DNASE1: variants seen among roughly 807,000 people sequenced by gnomAD.
DNASE1 encodes deoxyribonuclease-1.
Under a neutral mutation model 33.9 loss-of-function variants are expected in DNASE1, and 40 were observed. The ratio of observed to expected loss-of-function variants is 1.18; its 90% confidence interval spans 0.92 to 1.54. The LOEUF (loss-of-function observed/expected upper bound fraction) is 1.54, where lower values mean the gene tolerates loss of function less well. Among genes scored for constraint, DNASE1 ranks in the 40% most tolerant of loss-of-function variants. The probability of loss-of-function intolerance (pLI) is 0.00; values close to 1 mark genes in which losing one functional copy is unlikely to be tolerated. For missense variants in DNASE1, 518 were observed against 372.6 expected (o/e 1.39, Z -3.21); for synonymous variants, 216 against 160.0 (o/e 1.35, Z -2.64).
chr16:3,633,799 A>T (rs1373798064), intron 1 of DNASE1, among the ~76,000 whole-genome samples: 1 of 151,934 alleles, frequency 6.6e-6, no homozygotes, highest in Non-Finnish European at 1.5e-5. Context: ...TTCAAAAGCG[A>T]AATTATTATT....
intron 5 of DNASE1, 65 bp from the exon 6 acceptor site, chr16:3,656,934 A>G: frequency 6.3e-7 from 1 of 1,583,738 alleles, no homozygotes; most frequent in Non-Finnish European, 8.6e-7. Flanking sequence ...ACATAGTTCC[A>G]GCTGACATGG....
downstream of DNASE1, chr16:3,662,051 G>A: frequency 6.2e-7 from 1 of 1,613,432 alleles, no homozygotes; most frequent in African/African-American, 1.3e-5. Flanking sequence ...TTGGCCAGCT[G>A]CTGCATGCGC....
At chr16:3,664,330 G>A (rs143446368) in exon 10 of DNASE1, 56 of 1,612,644 alleles carry the variant, frequency 3.5e-5, no homozygotes, top group East Asian at 8.9e-5. Flanking sequence ...GCCAGGTGAC[G>A]GTTGGGGGCG....
At chr16:3,625,270 C>T (rs2041471787) in intron 1 of DNASE1, among the ~76,000 whole-genome samples, 1 of 152,142 alleles carries the variant, frequency 6.6e-6, no homozygotes, top group Non-Finnish European at 1.5e-5. Flanking sequence ...CGTACCACTG[C>T]ATTCCAGCCT....
chr16:3,624,397 TG>T (rs2041432399), intron 1 of DNASE1, among the ~76,000 whole-genome samples: 1 of 152,222 alleles, frequency 6.6e-6, no homozygotes, highest in African/African-American at 2.4e-5. Flanking sequence ...AAATTGTTAT[TG>T]GCCAGCTGCG....
chr16:3,657,400 CAT>C (rs2042743000), intron 7 of DNASE1, 59 bp downstream of exon 7: 1 of 1,596,410 alleles, frequency 6.3e-7, no homozygotes, highest in Non-Finnish European at 8.5e-7. Context: ...AGCCGTGACT[CAT>C]AGGTCGGGCT....
At chr16:3,643,886 C>T (rs573913860) in intron 1 of DNASE1, among the ~76,000 whole-genome samples, 1 of 152,202 alleles carries the variant, frequency 6.6e-6, no homozygotes, top group East Asian at 1.9e-4. Context: ...CTCAGCCTCC[C>T]AGTAGCTGGG....
chr16:3,662,162 T>C (rs766586669), downstream of DNASE1: 10 of 1,595,572 alleles, frequency 6.3e-6, no homozygotes, highest in Middle Eastern at 1.8e-4. Flanking sequence ...TTGAGGGTGA[T>C]AGAGGTTCCC....
At chr16:3,661,852 C>T, downstream of DNASE1, 2 of 1,201,524 alleles carry the variant, frequency 1.7e-6, no homozygotes, top group Non-Finnish European at 1.1e-6. Flanking sequence ...AAACTGCATA[C>T]AGCTCCTTAT....
Position 3,657,892 on chromosome 16 carries a change from C to G in DNASE1, c.802-14C>G, listed in dbSNP as rs760319647. Reference sequence around the variant, plus strand: ...GGTAGGCTCAGCCCAGACCCTGTGCCCACTTGCCTGCAGGCCCAAGCCATC... The same window carrying G: ...GGTAGGCTCAGCCCAGACCCTGTGCGCACTTGCCTGCAGGCCCAAGCCATC... On this transcript the variant is annotated splice_polypyrimidine_tract_variant and intron_variant, in intron 8 of 8. Transcript: ENST00000246949. The G allele has an allele frequency of 3.7e-6, 6 of 1,613,910 alleles. No individual in the cohort carries two copies. In the Admixed American group the frequency reaches 8.3e-5, roughly 22 times the overall value.
intron 1 of DNASE1, among the ~76,000 whole-genome samples, chr16:3,622,193 C>G (rs367657503): frequency 7.1e-6 from 1 of 141,010 alleles, no homozygotes; most frequent in Admixed American, 7.4e-5. Context: ...GTACTCCAGC[C>G]TAGGTGACAG....
chr16:3,662,205 G>A (rs1183252517), downstream of DNASE1: 3 of 1,548,540 alleles, frequency 1.9e-6, no homozygotes, highest in African/African-American at 4.1e-5. Context: ...CTTACCAGGG[G>A]TGAAGGTCAC....
At chr16:3,613,749 C>T (rs2040992750) in intron 1 of DNASE1, among the ~76,000 whole-genome samples, 1 of 152,008 alleles carries the variant, frequency 6.6e-6, no homozygotes, top group Non-Finnish European at 1.5e-5. Context: ...CTCTTTCCTT[C>T]CTTCCCTTCC....
chr16:3,659,025 T>C, downstream of DNASE1: 1 of 709,040 alleles, frequency 1.4e-6, no homozygotes, highest in South Asian at 2.2e-5. Flanking sequence ...AATATCATTA[T>C]ATACCCAGAA....
At chr16:3,659,748 T>TTTAGA (rs1567217509), downstream of DNASE1, 1 of 111,328 alleles carries the variant, frequency 9.0e-6, no homozygotes, top group Non-Finnish European at 1.7e-5. Context: ...CACTTTTTTT[T>TTTAGA]TTAGATAGAT....
At chr16:3,632,308 A>G (rs767576601) in intron 1 of DNASE1, among the ~76,000 whole-genome samples, 1 of 152,196 alleles carries the variant, frequency 6.6e-6, no homozygotes. Flanking sequence ...TGATAGATTG[A>G]TGTTGAAGTT....
At chr16:3,629,065 G>C (rs2041616737) in intron 1 of DNASE1, among the ~76,000 whole-genome samples, 1 of 150,050 alleles carries the variant, frequency 6.7e-6, no homozygotes, top group Non-Finnish European at 1.5e-5. Flanking sequence ...CCAGCTACTT[G>C]GGAAGCTGAG....
intron 1 of DNASE1, among the ~76,000 whole-genome samples, chr16:3,619,551 C>T (rs899107962): frequency 1.3e-5 from 2 of 149,802 alleles, no homozygotes; most frequent in East Asian, 2.0e-4. Context: ...TTAGTAGAGA[C>T]AGGGTTTCAC....
downstream of DNASE1, chr16:3,661,587 G>GA (rs1449638646): frequency 5.6e-6 from 1 of 177,762 alleles, no homozygotes; most frequent in African/African-American, 2.3e-5. Context: ...ATTCGGCTAT[G>GA]AAAATGAACT....
Sources: allele counts gnomAD v4.1 joint callset (sites outside exome capture counted in the v4.1 genomes callset), GRCh38; gene constraint gnomAD v4.1.1; transcripts MANE v1.5; gene names NCBI Gene and HGNC (gene_info 2026-07-23, HGNC 2026-07-21).